The following METTL24 variants were observed in gnomAD, a reference collection of about 807,000 sequenced individuals.
METTL24 encodes the protein probable methyltransferase-like protein 24.
Under a neutral mutation model 32.7 loss-of-function variants are expected in METTL24, and 29 were observed. The ratio of observed to expected loss-of-function variants is 0.89; its 90% CI spans 0.66 to 1.21. The LOEUF (loss-of-function observed/expected upper bound fraction) is 1.21. Among genes scored for constraint, METTL24 ranks in the 50% most tolerant of loss-of-function variants. The pLI is 0.00. For synonymous variants in METTL24, 163 were observed against 179.5 expected (o/e 0.91, Z 0.73); for missense variants, 439 against 468.1 (o/e 0.94, Z 0.57).
At chr6:110,334,812 C>G (rs1381271954) in intron 1 of METTL24, among the ~76,000 whole-genome samples, 1 of 152,206 alleles carries the variant, frequency 6.6e-6, no homozygotes, top group Admixed American at 6.5e-5. Context: ...ACTGACCTAT[C>G]CTACTCTCTT....
chr6:110,323,708 T>C (rs1336660179), intron 1 of METTL24, among the ~76,000 whole-genome samples: 2 of 151,776 alleles, frequency 1.3e-5, no homozygotes, highest in Non-Finnish European at 2.9e-5. Context: ...GGAGGTTTGC[T>C]GCAATTCCCA....
At chr6:110,357,458 A>C (rs1182630282) in intron 1 of METTL24, 1 of 152,272 alleles carries the variant, frequency 6.6e-6, no homozygotes, top group Non-Finnish European at 1.5e-5. Context: ...AAATTCGGCC[A>C]GCTGGTGGAT....
chr6:110,279,228 T>A (rs1562224051), intron 4 of METTL24, among the ~76,000 whole-genome samples: 1 of 152,186 alleles, frequency 6.6e-6, no homozygotes, highest in Admixed American at 6.6e-5. Context: ...ATGACAAAAT[T>A]GCTATCTCAA....
At chr6:110,323,385 G>A (rs1459784365) in intron 1 of METTL24, among the ~76,000 whole-genome samples, 1 of 152,152 alleles carries the variant, frequency 6.6e-6, no homozygotes, top group Non-Finnish European at 1.5e-5. Flanking sequence ...CTTGGCTGCT[G>A]GGACCCTGCA....
intron 1 of METTL24, among the ~76,000 whole-genome samples, chr6:110,346,834 T>C (rs115268503): frequency 0.011 from 1,691 of 152,326 alleles, 32 homozygotes; most frequent in African/African-American, 0.039. Flanking sequence ...CAGACATTTG[T>C]ATTTTTTCCA....
chr6:110,271,150 G>A (rs976812925), intron 4 of METTL24, among the ~76,000 whole-genome samples: 6 of 151,860 alleles, frequency 4.0e-5, no homozygotes, highest in South Asian at 2.1e-4. Flanking sequence ...GTGAGCCACC[G>A]CGTCCAGCCA....
chr6:110,247,111 T>G (rs1257004662), intron 4 of METTL24, among the ~76,000 whole-genome samples: 3 of 152,178 alleles, frequency 2.0e-5, no homozygotes, highest in Non-Finnish European at 4.4e-5. Context: ...GTGCAAAAAA[T>G]CCGTTAGAAC....
intron 4 of METTL24, among the ~76,000 whole-genome samples, chr6:110,289,309 C>T (rs76428742): frequency 6.6e-6 from 1 of 152,038 alleles, no homozygotes; most frequent in African/African-American, 2.4e-5. Context: ...AAAAATCTGA[C>T]AAAAGTTTAA....
rs1036290706 is a variant in METTL24, at chr6:110,244,718, T to C, written c.*1228A>G. 6.6e-6 allele frequency among the ~76,000 whole-genome samples: 1 copy of C among 152,110 alleles called. No homozygotes were observed. The highest frequency in any genetic ancestry group is 1.5e-5 in the Non-Finnish European group (1 of 68,026). ...CTTACTCAGTATCATGAGAATAGCA[T>C]GGAGGAAACCAACCCCATGATTCAA... On this transcript the variant is annotated 3_prime_UTR_variant, in exon 5 of 5. Coordinates refer to ENST00000338882, the MANE Select transcript of METTL24 (RefSeq NM_001123364.3).
chr6:110,302,802 TAA>T (rs1771557692), intron 3 of METTL24, among the ~76,000 whole-genome samples: 1 of 152,188 alleles, frequency 6.6e-6, no homozygotes, highest in South Asian at 2.1e-4. Context: ...TAGTTGCTTA[TAA>T]TTAAACAAAT....
intron 1 of METTL24, among the ~76,000 whole-genome samples, chr6:110,348,956 G>A (rs1772537360): frequency 6.6e-6 from 1 of 152,150 alleles, no homozygotes; most frequent in African/African-American, 2.4e-5. Flanking sequence ...TGTAAATGGG[G>A]TCTTGTTTTA....
Position 110,268,052 on chromosome 6 carries a change from T to C in METTL24, c.787-21792A>G, listed in dbSNP as rs116407194. Among the ~76,000 whole-genome samples, 726 of 152,296 alleles carry C rather than the reference T, an allele frequency of 4.8e-3. 2 individuals are homozygous for C. The highest frequency in any genetic ancestry group is 0.017 in the African/African-American group (695 of 41,554). Reference sequence around the variant, plus strand: ...GAGGATGACATTTCAACATTAGATTTGGAAGGGACAAACATCCAAATCATG... The same window carrying C: ...GAGGATGACATTTCAACATTAGATTCGGAAGGGACAAACATCCAAATCATG... On this transcript the variant is annotated intron_variant, in intron 4 of 4. Transcript: ENST00000338882.
chr6:110,260,060 C>T (rs1778463513), intron 4 of METTL24, among the ~76,000 whole-genome samples: 1 of 152,214 alleles, frequency 6.6e-6, no homozygotes, highest in Non-Finnish European at 1.5e-5. Context: ...CAGAATGCCT[C>T]TCCTCCTCCA....
In METTL24 at chr6:110,266,104, T is replaced by C. The variant is rs531607471; in HGVS notation, c.787-19844A>G. On this transcript the variant is annotated intron_variant, in intron 4 of 4. Coordinates refer to ENST00000338882, the MANE Select transcript of METTL24 (RefSeq NM_001123364.3). The stretch of plus-strand genomic sequence containing the variant: ...TTTTTTTGTAGAGATGGGGTCTTAT[T>C]ATATTACCCAAGCTGGTCTTGAACT... Among the ~76,000 whole-genome samples, 6 of 152,046 alleles carry C rather than the reference T, an allele frequency of 3.9e-5. No individual in the cohort carries two copies. The East Asian group carries it at 1.2e-3, about 30-fold the overall frequency.
chr6:110,309,651 A>C (rs1272116029), intron 3 of METTL24, among the ~76,000 whole-genome samples: 2 of 152,194 alleles, frequency 1.3e-5, no homozygotes, highest in African/African-American at 4.8e-5. Flanking sequence ...TTGTGCAGGG[A>C]AACTCTTGTA....
At chr6:110,298,602 A>C (rs1462549847) in intron 4 of METTL24, among the ~76,000 whole-genome samples, 1 of 152,134 alleles carries the variant, frequency 6.6e-6, no homozygotes, top group Non-Finnish European at 1.5e-5. Context: ...CTTTCTGGAA[A>C]GTGTAAGTCA....
intron 1 of METTL24, among the ~76,000 whole-genome samples, chr6:110,323,108 T>C (rs1280254530): frequency 1.3e-5 from 2 of 152,126 alleles, no homozygotes; most frequent in Non-Finnish European, 2.9e-5. Flanking sequence ...TGCAGGAGAA[T>C]GCAAAGGCCC....
chr6:110,271,287 GTTCT>G (rs1405807710), intron 4 of METTL24, among the ~76,000 whole-genome samples: 8 of 151,728 alleles, frequency 5.3e-5, no homozygotes, highest in Non-Finnish European at 1.0e-4. Flanking sequence ...GAGCATACAC[GTTCT>G]TTGTCTTTTT....
chr6:110,291,873 C>T (rs1771327349), intron 4 of METTL24, among the ~76,000 whole-genome samples: 1 of 152,144 alleles, frequency 6.6e-6, no homozygotes, highest in African/African-American at 2.4e-5. Context: ...CTTGTTGTTC[C>T]ATTGATGTCT....
Sources: gnomAD v4.1 joint callset for allele counts (sites outside exome capture counted in the v4.1 genomes callset) on GRCh38, gnomAD v4.1.1 for gene constraint, MANE v1.5 for transcripts, NCBI Gene and HGNC (gene_info 2026-07-23, HGNC 2026-07-21) for gene names.